MUC17: variants seen among roughly 807,000 people sequenced by gnomAD.
MUC17 encodes the protein mucin 17, cell surface associated, also known as mucin-17.
MUC17 carries 190 observed loss-of-function variants against 170.3 expected under a neutral mutation model. That is an observed-to-expected ratio of 1.12 (90% CI 0.99 to 1.26). The LOEUF (loss-of-function observed/expected upper bound fraction) is 1.26. MUC17 is among the 50% of genes most tolerant of loss of function. MUC17 has a pLI of 0.00. For synonymous variants in MUC17, 2,325 were observed against 2,002.5 expected (o/e 1.16, Z -4.30); for missense variants, 6,415 against 5,530.0 (o/e 1.16, Z -5.08).
chr7:101,043,671 C>T lies in MUC17; in HGVS notation c.12255C>T (p.Asn4085=), dbSNP rs758970875. 16 of 1,614,164 alleles carry T rather than the reference C, an allele frequency of 9.9e-6. No individual in the cohort carries two copies. Among genetic ancestry groups the T allele is most frequent in the Non-Finnish European group, 1.2e-5 (14 of 1,180,040 alleles). ...CCTCTGCCTCCTCCACGACTGTGAACCCTGAGGCTGTCACCACCATGACCA... is the reference window on the plus strand; with the variant it reads ...CCTCTGCCTCCTCCACGACTGTGAATCCTGAGGCTGTCACCACCATGACCA... ...PTTSASSTTV[N]PEAVTTMTTR... is the part of the protein sequence containing the mutation. The change falls in exon 3 of 13, where the codon AAC becomes AAT. Residue 4085 remains asparagine, a synonymous_variant. Coordinates refer to ENST00000306151, the MANE Select transcript of MUC17 (RefSeq NM_001040105.2).
Position 101,032,276 on chromosome 7 carries a change from T to C in MUC17, c.860T>C (p.Val287Ala). The C allele has an allele frequency of 2.5e-6, 4 of 1,613,776 alleles. No homozygotes were observed. The highest frequency in any genetic ancestry group is 3.4e-6 in the Non-Finnish European group (4 of 1,179,822). Residue 287 changes from valine to alanine, a missense_variant, in exon 3 of 13, where the codon GTG becomes GCG. Val to Ala is a moderately conservative substitution (Grantham distance 64). Coordinates refer to ENST00000306151, the MANE Select transcript of MUC17 (RefSeq NM_001040105.2). ...LTRMPLSVML[V>A]VSSEASTLST... ...AGAATGCCTCTCAGCGTGATGCTGG[T>C]GGTCAGTTCTGAGGCTAGCACCCTT...
intron 12 of MUC17, among the ~76,000 whole-genome samples, chr7:101,056,974 G>T (rs753797565): frequency 6.6e-6 from 1 of 151,864 alleles, no homozygotes; most frequent in African/African-American, 2.4e-5. Context: ...GTCTAGGATG[G>T]TTGTCTTGAA....
rs1794319402 is a variant in MUC17 at position 101,032,562 on chromosome 7, C to A, written c.1146C>A (p.Ser382Arg). ...TTCCTACAACTGCTGAAGCTACCAGCATGCTAACCTCAACTCTTAGTGAAG... is the reference window on the plus strand; with the variant it reads ...TTCCTACAACTGCTGAAGCTACCAGAATGCTAACCTCAACTCTTAGTGAAG... ...SSLPTTAEATSMLTSTLSEGS... is the reference protein window; with the variant it reads ...SSLPTTAEATRMLTSTLSEGS... Residue 382 changes from serine to arginine, a missense_variant, in exon 3 of 13, where the codon AGC (serine) becomes AGA (arginine). Physicochemically the swap from Ser to Arg is moderately radical, Grantham distance 110 (BLOSUM62 -1). Coordinates refer to ENST00000306151, the MANE Select transcript of MUC17 (RefSeq NM_001040105.2). The A allele has an allele frequency of 6.2e-7, 1 of 1,614,124 alleles. No homozygotes were observed. Among genetic ancestry groups the A allele is most frequent in the Non-Finnish European group, 8.5e-7 (1 of 1,180,012 alleles).
chr7:101,039,705 G>A lies in MUC17; in HGVS notation c.8289G>A (p.Val2763=). ...LTSILVSTLP[V]ASSEASTVST... is the part of the protein sequence containing the mutation. ...GTATACTTGTCAGCACCCTGCCAGT[G>A]GCCAGTTCTGAGGCTAGCACCGTTT... is the stretch of plus-strand genomic sequence containing the variant. The change falls in exon 3 of 13, where the codon GTG becomes GTA. Residue 2763 remains valine (V), a synonymous_variant. Coordinates refer to ENST00000306151, the MANE Select transcript of MUC17 (RefSeq NM_001040105.2). 2 of 1,613,234 alleles carry A rather than the reference G, an allele frequency of 1.2e-6. No individual in the cohort carries two copies.
At position 101,039,531 on chromosome 7, in the gene MUC17, C is replaced by T. The variant is rs142852040; in HGVS notation, c.8115C>T (p.Ala2705=). The change falls in exon 3 of 13, where the codon GCC becomes GCT. Residue 2705 remains alanine, a synonymous_variant. Transcript: ENST00000306151. ...TACTTGTCAGCACCACGCTGTTGGC[C>T]AATTCTGAGGCTAGCACCCTTTCAA... ...TNILVSTTLL[A]NSEASTLSTT... 6.2e-7 allele frequency: 1 copy of T among 1,611,748 alleles called. No individual in the cohort carries two copies. Among genetic ancestry groups the T allele is most frequent in the Non-Finnish European group, 8.5e-7 (1 of 1,178,756 alleles).
At chr7:101,047,095 AAAAT>A (rs57775219) in intron 3 of MUC17, among the ~76,000 whole-genome samples, 69 of 146,948 alleles carry the variant, frequency 4.7e-4, no homozygotes, top group African/African-American at 1.1e-3. Flanking sequence ...AAAAAAAATT[AAAAT>A]AAATAAATAA....
rs775544647 is a variant in MUC17, at chr7:101,040,453, G to T, written c.9037G>T (p.Asp3013Tyr). The T allele has an allele frequency of 6.2e-7, 1 of 1,612,082 alleles. No homozygotes were observed. The highest frequency in any genetic ancestry group is 8.5e-7 in the Non-Finnish European group (1 of 1,179,184). ...EASTLSRTPA[D>Y]TSTPVTTSTE... The stretch of plus-strand genomic sequence containing the variant: ...TAGCACCCTTTCAAGAACTCCTGCT[G>T]ACACCAGCACACCTGTGACCACTTC... The change falls in exon 3 of 13, where the codon GAC becomes TAC. Residue 3013 changes from aspartate (D) to tyrosine (Y), a missense_variant. Asp to Tyr is a radical substitution (Grantham distance 160). Coordinates refer to ENST00000306151, the MANE Select transcript of MUC17 (RefSeq NM_001040105.2).
Position 101,035,576 on chromosome 7 carries a change from C to T in MUC17, c.4160C>T (p.Pro1387Leu). The T allele has an allele frequency of 1.9e-6, 3 of 1,602,230 alleles. No homozygotes were observed. Among genetic ancestry groups the T allele is most frequent in the Non-Finnish European group, 2.6e-6 (3 of 1,173,402 alleles). Residue 1387 changes from proline to leucine, a missense_variant, in exon 3 of 13, where the codon CCA becomes CTA. Physicochemically the swap from Pro to Leu is moderately conservative, Grantham distance 98. Transcript: ENST00000306151. ...ACAACTTCTGAAGGTACCAGCATGC[C>T]AAACTCAAATCCTAGTGAAGGAACC... Reference protein sequence around the residue: ...SPTTSEGTSMPNSNPSEGTTP... With the variant: ...SPTTSEGTSMLNSNPSEGTTP...
chr7:101,054,333 T>C (rs572244658), intron 11 of MUC17, among the ~76,000 whole-genome samples: 1 of 151,848 alleles, frequency 6.6e-6, no homozygotes, highest in Non-Finnish European at 1.5e-5. Flanking sequence ...AGCAGGGGAG[T>C]TGTACCTCAG....
intron 1 of MUC17, among the ~76,000 whole-genome samples, chr7:101,023,235 G>A (rs1236204881): frequency 6.6e-6 from 1 of 152,030 alleles, no homozygotes; most frequent in East Asian, 1.9e-4. Flanking sequence ...AGTTTAACTC[G>A]ATCCCCTGCA....
Position 101,035,194 on chromosome 7 carries a change from C to A in MUC17, c.3778C>A (p.Pro1260Thr). The part of the protein sequence containing the change: ...VTTSAETSSS[P>T]TTAEGTSLPT... ...CACTTCTGCTGAAACCAGTTCCTCT[C>A]CTACAACCGCTGAAGGTACCAGCTT... The change falls in exon 3 of 13, where the codon CCT becomes ACT. Residue 1260 changes from proline (P) to threonine (T), a missense_variant. Physicochemically the swap from Pro to Thr is conservative, Grantham distance 38. Coordinates refer to ENST00000306151, the MANE Select transcript of MUC17 (RefSeq NM_001040105.2). The A allele has an allele frequency of 6.2e-7, 1 of 1,610,440 alleles. No individual in the cohort carries two copies. Among genetic ancestry groups the A allele is most frequent in the South Asian group, 1.1e-5 (1 of 90,568 alleles).
At chr7:101,021,399 G>A (rs1794079393) in intron 1 of MUC17, among the ~76,000 whole-genome samples, 1 of 152,026 alleles carries the variant, frequency 6.6e-6, no homozygotes, top group African/African-American at 2.4e-5. Flanking sequence ...TGTTAACCGG[G>A]CTGGTCTCAA....
chr7:101,047,938 C>A (rs1794870681), intron 3 of MUC17, 46 bp from the exon 4 acceptor site: 1 of 1,531,032 alleles, frequency 6.5e-7, no homozygotes, highest in African/African-American at 1.4e-5. Flanking sequence ...AGTGAGGTGC[C>A]TCAATGGAGG....
chr7:101,041,437 C>A lies in MUC17; in HGVS notation c.10021C>A (p.Pro3341Thr). ...CTCAACTTATAGTGAAGGAAGCACT[C>A]CACTAACAAATATGTCTTTCAGCAC... ...PTSTYSEGST[P>T]LTNMSFSTTP... Residue 3341 changes from proline to threonine, a missense_variant, in exon 3 of 13, where the codon CCA becomes ACA. By Grantham distance (38) the Pro-to-Thr change is conservative (BLOSUM62 -1). Coordinates refer to ENST00000306151, the MANE Select transcript of MUC17 (RefSeq NM_001040105.2). 6.2e-7 allele frequency: 1 copy of A among 1,614,126 alleles called. No individual in the cohort carries two copies. The highest frequency in any genetic ancestry group is 8.5e-7 in the Non-Finnish European group (1 of 1,180,002).
At chr7:101,022,208 C>T (rs1794104479) in intron 1 of MUC17, among the ~76,000 whole-genome samples, 1 of 150,382 alleles carries the variant, frequency 6.6e-6, no homozygotes, top group Admixed American at 6.6e-5. Context: ...AGTCTATCTC[C>T]CAGGCTGGAG....
In MUC17 at chr7:101,041,317, C is replaced by A. The variant is rs377548707; in HGVS notation, c.9901C>A (p.Leu3301Ile). ...GGTGGCCAGTTCTGAAACGAGCACC[C>A]TTTCAACAACTCCTGCTGACACCAG... ...TTVASSETST[L>I]STTPADTSTP... is the part of the protein sequence containing the mutation. Residue 3301 changes from leucine to isoleucine, a missense_variant, in exon 3 of 13, where the codon CTT becomes ATT. Physicochemically the swap from Leu to Ile is conservative, Grantham distance 5. Transcript: ENST00000306151. 2.5e-5 allele frequency: 41 copies of A among 1,611,074 alleles called. No homozygotes were observed. Among genetic ancestry groups the A allele is most frequent in the Non-Finnish European group, 3.4e-5 (40 of 1,178,234 alleles).
chr7:101,044,244 A>C (rs1174500444), intron 3 of MUC17, among the ~76,000 whole-genome samples: 2 of 152,176 alleles, frequency 1.3e-5, no homozygotes, highest in African/African-American at 4.8e-5. Flanking sequence ...AAATTTTTGC[A>C]ATCTACCCAT....
chr7:101,054,057 C>CAAAAAAAAAAAAAAAAA (rs58623975), intron 11 of MUC17, among the ~76,000 whole-genome samples: 1 of 40,382 alleles, frequency 2.5e-5, no homozygotes, highest in Non-Finnish European at 4.3e-5. Context: ...AAGACCCTGT[C>CAAAAAAAAAAAAAAAAA]AAAAAAAAAA....
At chr7:101,048,230 G>A in intron 4 of MUC17, 115 bp downstream of exon 4, 1 of 1,084,222 alleles carries the variant, frequency 9.2e-7, no homozygotes, top group Non-Finnish European at 1.2e-6. Flanking sequence ...CTTCTGGGCT[G>A]TGGTGTTTTT....
Sources: allele counts gnomAD v4.1 joint callset (sites outside exome capture counted in the v4.1 genomes callset), GRCh38; gene constraint gnomAD v4.1.1; transcripts MANE v1.5; gene names NCBI Gene and HGNC (gene_info 2026-07-23, HGNC 2026-07-21).